FAM227B: variants seen among roughly 807,000 people sequenced by gnomAD.
The protein encoded by FAM227B is family with sequence similarity 227 member B.
A neutral mutation model predicts 73.8 loss-of-function variants in FAM227B; 88 were observed. The observed-to-expected ratio is 1.19, with a 90% CI of 1.00 to 1.42. The LOEUF (loss-of-function observed/expected upper bound fraction) is 1.42, where lower values mean the gene tolerates loss of function less well. FAM227B is among the 40% of genes most tolerant of loss of function. FAM227B has a pLI of 0.00. For synonymous variants in FAM227B, 210 were observed against 190.5 expected (o/e 1.10, Z -0.84); for missense variants, 632 against 590.9 (o/e 1.07, Z -0.72).
At chr15:49,579,704 G>C (rs867555225) in intron 5 of FAM227B, among the ~76,000 whole-genome samples, 2 of 152,138 alleles carry the variant, frequency 1.3e-5, no homozygotes, top group East Asian at 1.9e-4. Context: ...TAGTTATTTA[G>C]AATGATTAAG....
chr15:49,474,039 T>C (rs561841637), intron 11 of FAM227B, among the ~76,000 whole-genome samples: 31 of 152,150 alleles, frequency 2.0e-4, no homozygotes, highest in African/African-American at 7.5e-4. Context: ...TAAAACAAAA[T>C]GTATTTTTGA....
chr15:49,562,018 T>C (rs1002408132), intron 9 of FAM227B, among the ~76,000 whole-genome samples: 5 of 151,998 alleles, frequency 3.3e-5, no homozygotes, highest in African/African-American at 1.2e-4. Context: ...CTTAATGAAG[T>C]TGAGACCCAG....
At chr15:49,605,135 C>T (rs558879872) in intron 3 of FAM227B, among the ~76,000 whole-genome samples, 1 of 152,244 alleles carries the variant, frequency 6.6e-6, no homozygotes, top group East Asian at 1.9e-4. Flanking sequence ...AGAACAGGCG[C>T]CTCTTCTGGG....
chr15:49,607,710 T>C (rs552567751), intron 3 of FAM227B, among the ~76,000 whole-genome samples: 1 of 152,326 alleles, frequency 6.6e-6, no homozygotes, highest in African/African-American at 2.4e-5. Context: ...CTGTCTTCTC[T>C]ACATCACCAA....
intron 13 of FAM227B, among the ~76,000 whole-genome samples, chr15:49,355,422 C>A (rs1335325788): frequency 6.6e-6 from 1 of 152,144 alleles, no homozygotes; most frequent in African/African-American, 2.4e-5. Flanking sequence ...AAAACCAAGG[C>A]TCGAGAACTA....
chr15:49,438,415 CCCAGTCTTTGAT>C (rs1567275081), intron 11 of FAM227B, among the ~76,000 whole-genome samples: 6 of 151,822 alleles, frequency 4.0e-5, no homozygotes, highest in Non-Finnish European at 1.5e-5. Context: ...CTTTGTTCCA[CCCAGTCTTTGAT>C]ACAGGGATTT....
chr15:49,489,042 G>A (rs1430228605), intron 11 of FAM227B: 2 of 153,518 alleles, frequency 1.3e-5, no homozygotes, highest in Admixed American at 1.3e-4. Flanking sequence ...CAGAAAGTGT[G>A]AGATGAAGTA....
At chr15:49,557,976 T>G (rs1349935956) in intron 9 of FAM227B, among the ~76,000 whole-genome samples, 1 of 152,032 alleles carries the variant, frequency 6.6e-6, no homozygotes, top group Admixed American at 6.5e-5. Context: ...AGCATGGGTT[T>G]CCAGCACAGT....
intron 10 of FAM227B, among the ~76,000 whole-genome samples, chr15:49,534,078 T>C (rs2060823664): frequency 6.6e-6 from 1 of 151,814 alleles, no homozygotes; most frequent in Non-Finnish European, 1.5e-5. Flanking sequence ...CTTACATAAA[T>C]CCTATTATAA....
At chr15:49,569,269 T>C (rs1329082069) in intron 8 of FAM227B, among the ~76,000 whole-genome samples, 2 of 151,880 alleles carry the variant, frequency 1.3e-5, no homozygotes, top group African/African-American at 2.4e-5. Flanking sequence ...TATTTTTTAA[T>C]AGTCATTCTA....
chr15:49,595,371 T>C (rs1223748946), intron 3 of FAM227B, among the ~76,000 whole-genome samples: 1 of 151,904 alleles, frequency 6.6e-6, no homozygotes, highest in Non-Finnish European at 1.5e-5. Flanking sequence ...CTTCTAGGTA[T>C]ATAATCATAT....
At chr15:49,422,145 A>AGAGAGAGAGT (rs757128514) in intron 11 of FAM227B, among the ~76,000 whole-genome samples, 19 of 139,818 alleles carry the variant, frequency 1.4e-4, no homozygotes, top group African/African-American at 4.3e-4. Flanking sequence ...AGAGAGAGAG[A>AGAGAGAGAGT]GTGTGTGTGT....
chr15:49,515,058 T>A (rs944772866), intron 10 of FAM227B, among the ~76,000 whole-genome samples: 1 of 152,156 alleles, frequency 6.6e-6, no homozygotes, highest in African/African-American at 2.4e-5. Context: ...CTCAAATATT[T>A]CTTTTATAAT....
At chr15:49,428,286 G>T (rs1277433317) in intron 11 of FAM227B, among the ~76,000 whole-genome samples, 1 of 151,964 alleles carries the variant, frequency 6.6e-6, no homozygotes, top group African/African-American at 2.4e-5. Context: ...TCCAGGTGAT[G>T]AAACTAGTAT....
intron 11 of FAM227B, among the ~76,000 whole-genome samples, chr15:49,450,310 C>G (rs1207897682): frequency 6.6e-6 from 1 of 152,052 alleles, no homozygotes; most frequent in Non-Finnish European, 1.5e-5. Flanking sequence ...ACTCTTTCTT[C>G]CAAATCTTGG....
At chr15:49,370,497 G>A (rs2045736645) in intron 12 of FAM227B, among the ~76,000 whole-genome samples, 1 of 152,190 alleles carries the variant, frequency 6.6e-6, no homozygotes, top group African/African-American at 2.4e-5. Context: ...TGAAGTGCCT[G>A]CAAACCATCC....
At chr15:49,418,759 A>G (rs1057265646) in intron 11 of FAM227B, among the ~76,000 whole-genome samples, 1 of 152,078 alleles carries the variant, frequency 6.6e-6, no homozygotes, top group Non-Finnish European at 1.5e-5. Context: ...AAATCTGCAC[A>G]TGTACCCCTG....
At chr15:49,538,236 G>T (rs1385479713) in intron 10 of FAM227B, among the ~76,000 whole-genome samples, 5 of 152,120 alleles carry the variant, frequency 3.3e-5, no homozygotes, top group Non-Finnish European at 5.9e-5. Flanking sequence ...ATTTTCATCT[G>T]CCTCTACCAC....
rs1395757316 is a variant in FAM227B, at chr15:49,542,815, A to G, written c.748-1009T>C. On this transcript the variant is annotated intron_variant, in intron 9 of 15. Coordinates refer to ENST00000299338, the MANE Select transcript of FAM227B (RefSeq NM_152647.3). ...TGCTGGTTTCTTATATAGGTAAATT[A>G]CATGTGAAGGAGGTTTGTGAACAGA... Among the ~76,000 whole-genome samples, 4 of 151,780 alleles carry G rather than the reference A, an allele frequency of 2.6e-5. No individual in the cohort carries two copies. In the East Asian group the frequency reaches 7.7e-4, roughly 29 times the overall value.
Sources: allele counts gnomAD v4.1 joint callset (sites outside exome capture counted in the v4.1 genomes callset), GRCh38; gene constraint gnomAD v4.1.1; transcripts MANE v1.5; gene names NCBI Gene and HGNC (gene_info 2026-07-23, HGNC 2026-07-21).